The following SCFD1 variants were observed in gnomAD, a reference collection of about 807,000 sequenced individuals.
The protein encoded by SCFD1 is sec1 family domain containing 1, also known as sec1 family domain-containing protein 1.
Under a neutral mutation model 103.2 loss-of-function variants are expected in SCFD1, and 37 were observed. That is an observed-to-expected ratio of 0.36 (90% CI 0.28 to 0.47). The LOEUF (loss-of-function observed/expected upper bound fraction) is 0.47. SCFD1 is among the 20% of genes least tolerant of loss of function. The pLI is 1.00. For missense variants in SCFD1, 639 were observed against 761.2 expected, an observed-to-expected ratio of 0.84 and a Z score of 1.89; for synonymous variants, 264 against 245.0, an observed-to-expected ratio of 1.08 and a Z score of -0.73.
At chr14:30,652,085 T>G (rs1362446075) in intron 9 of SCFD1, among the ~76,000 whole-genome samples, 1 of 152,178 alleles carries the variant, frequency 6.6e-6, no homozygotes, top group Admixed American at 6.5e-5. Flanking sequence ...TCATAGTAGA[T>G]CGCAAGGGTG....
rs777800670 is a variant in SCFD1 at position 30,734,869 on chromosome 14, C to T, written c.1905+11C>T. 10 of 1,597,012 alleles carry T rather than the reference C, an allele frequency of 6.3e-6. 1 individual carries two copies. The South Asian group carries it at 6.6e-5, about 11-fold the overall frequency. On this transcript the variant is annotated intron_variant, in intron 24 of 24. Coordinates refer to ENST00000458591, the MANE Select transcript of SCFD1 (RefSeq NM_016106.4). ...CAGTTCATAAAACAGGTAAAGTATACATTTGTTGTTTGTTTCTGTTAACAT... is the reference window on the plus strand; with the variant it reads ...CAGTTCATAAAACAGGTAAAGTATATATTTGTTGTTTGTTTCTGTTAACAT...
chr14:30,623,378 A>C (rs984988121), intron 1 of SCFD1, among the ~76,000 whole-genome samples: 1 of 152,228 alleles, frequency 6.6e-6, no homozygotes, highest in African/African-American at 2.4e-5. Context: ...TTGGCATTTA[A>C]AGAAAAAGTG....
At chr14:30,654,215 G>T (rs2139119550) in intron 10 of SCFD1, among the ~76,000 whole-genome samples, 1 of 152,296 alleles carries the variant, frequency 6.6e-6, no homozygotes, top group East Asian at 1.9e-4. Context: ...ATGTAATCAG[G>T]CCAGAATAGT....
At position 30,622,393 on chromosome 14, in the gene SCFD1, C is replaced by T; in HGVS notation, c.55C>T (p.Gln19Ter). 6.4e-7 allele frequency: 1 copy of T among 1,553,232 alleles called. No individual in the cohort carries two copies. The highest frequency in any genetic ancestry group is 8.7e-7 in the Non-Finnish European group (1 of 1,147,848). ...AAAAASIRER[Q>*]TVALKRMLNF... The stretch of plus-strand genomic sequence containing the variant: ...AGCAGCAGCCAGTATTCGGGAAAGG[C>T]AGACAGGTACTGACTTATTCTCTTC... Residue 19 changes from glutamine (Q) to a stop codon, truncating the protein, a stop_gained, in exon 1 of 25, where the codon CAG (glutamine) becomes TAG (stop). Coordinates refer to ENST00000458591, the MANE Select transcript of SCFD1 (RefSeq NM_016106.4). LOFTEE classifies it high-confidence loss of function.
At chr14:30,728,530 A>G (rs185065536) in intron 23 of SCFD1, among the ~76,000 whole-genome samples, 172 of 152,360 alleles carry the variant, frequency 1.1e-3, no homozygotes, top group African/African-American at 4.0e-3. Context: ...GTGGAACCAT[A>G]GATAATGGCC....
rs982852808 is a variant in SCFD1 at position 30,703,072 on chromosome 14, T to C, written c.1490+697T>C. Among the ~76,000 whole-genome samples, 10 of 151,324 alleles carry C rather than the reference T, an allele frequency of 6.6e-5. No individual in the cohort carries two copies. In the South Asian group the frequency reaches 8.4e-4, roughly 13 times the overall value. ...TATTGCAAAGTAAAAAAAAAAAAAATTATAACACTCTTCATTGATTTGTTT... is the reference window on the plus strand; with the variant it reads ...TATTGCAAAGTAAAAAAAAAAAAAACTATAACACTCTTCATTGATTTGTTT... On this transcript the variant is annotated intron_variant, in intron 17 of 24. Transcript: ENST00000458591.
intron 10 of SCFD1, among the ~76,000 whole-genome samples, chr14:30,654,161 A>G (rs1886668097): frequency 6.6e-6 from 1 of 152,232 alleles, no homozygotes; most frequent in South Asian, 2.1e-4. Flanking sequence ...TTCAAAGACA[A>G]TGGAAAGAAA....
intron 19 of SCFD1, among the ~76,000 whole-genome samples, chr14:30,710,387 G>A (rs933716358): frequency 6.7e-6 from 1 of 150,368 alleles, no homozygotes; most frequent in African/African-American, 2.5e-5. Context: ...TATTGACAGG[G>A]GGTAGGAATG....
intron 10 of SCFD1, among the ~76,000 whole-genome samples, chr14:30,659,982 AATACTTCAGCATGT>A (rs142597670): frequency 0.017 from 2,528 of 152,296 alleles, 91 homozygotes; most frequent in African/African-American, 0.057. Context: ...TCTAAGCATG[AATACTTCAGCATGT>A]ATCTATTTTT....
chr14:30,643,270 G>A (rs1426415468), intron 6 of SCFD1, 46 bp from the exon 7 acceptor site: 2 of 1,092,860 alleles, frequency 1.8e-6, no homozygotes, highest in East Asian at 2.4e-5. Context: ...GAAAGATGAG[G>A]CATAAGTTTG....
chr14:30,648,810 C>A (rs1263632824), intron 7 of SCFD1, among the ~76,000 whole-genome samples: 2 of 151,936 alleles, frequency 1.3e-5, no homozygotes, highest in African/African-American at 4.8e-5. Context: ...TTTGTAGAGA[C>A]AGAGTTTTGC....
intron 24 of SCFD1, among the ~76,000 whole-genome samples, 196 bp from the exon 25 acceptor site, chr14:30,735,390 A>G (rs1236483224): frequency 1.4e-4 from 21 of 152,192 alleles, no homozygotes; most frequent in Non-Finnish European, 1.5e-5. Flanking sequence ...AATAGCTAGG[A>G]TTACAGGCAT....
rs376396970 is a variant in SCFD1 at position 30,650,701 on chromosome 14, T to A, written c.755+51T>A. 6.7e-5 allele frequency: 76 copies of A among 1,131,980 alleles called. 1 individual carries two copies. In the African/African-American group the frequency reaches 1.1e-3, roughly 17 times the overall value. The allele number at this position is 1,131,980 out of a possible 1,614,324, so 70.1% of individuals were successfully genotyped here. ...TAAGACTTTAAAATATTTGTAGAGT[T>A]TTTTTGTTACTTTTCTTGGCTGATA... On this transcript the variant is annotated intron_variant, in intron 9 of 24. Coordinates refer to ENST00000458591, the MANE Select transcript of SCFD1 (RefSeq NM_016106.4).
intron 10 of SCFD1, among the ~76,000 whole-genome samples, chr14:30,658,911 G>C (rs57057168): frequency 0.039 from 5,932 of 152,192 alleles, 147 homozygotes; most frequent in South Asian, 0.067. Context: ...TTGCCTAAAA[G>C]TCAAAAGTGT....
At chr14:30,724,726 T>A (rs1270259682) in intron 23 of SCFD1, among the ~76,000 whole-genome samples, 1 of 152,224 alleles carries the variant, frequency 6.6e-6, no homozygotes, top group East Asian at 1.9e-4. Context: ...TTTGTTGTAG[T>A]TACTTTTGGT....
chr14:30,694,646 A>G, intron 14 of SCFD1, 127 bp from the exon 15 acceptor site: 1 of 1,308,710 alleles, frequency 7.6e-7, no homozygotes, highest in Non-Finnish European at 9.9e-7. Context: ...TCTGAACTGT[A>G]CTTTTGACCT....
chr14:30,733,178 T>G (rs1893602891), intron 23 of SCFD1, among the ~76,000 whole-genome samples: 1 of 151,870 alleles, frequency 6.6e-6, no homozygotes, highest in African/African-American at 2.4e-5. Flanking sequence ...CCTGGCTAAT[T>G]TTTGTATTTT....
intron 21 of SCFD1, chr14:30,721,595 C>G (rs1191557455): frequency 1.2e-5 from 4 of 346,986 alleles, no homozygotes; most frequent in East Asian, 6.0e-5. Flanking sequence ...GACTTACGCT[C>G]CTCCTCGTGG....
chr14:30,710,358 T>C (rs1371656309), intron 19 of SCFD1, among the ~76,000 whole-genome samples: 1 of 138,596 alleles, frequency 7.2e-6, no homozygotes, highest in African/African-American at 2.8e-5. Flanking sequence ...AAAAAAAAGT[T>C]CAGAATTAGA....
Sources: gnomAD v4.1 joint callset for allele counts (sites outside exome capture counted in the v4.1 genomes callset) on GRCh38, gnomAD v4.1.1 for gene constraint, MANE v1.5 for transcripts, NCBI Gene and HGNC (gene_info 2026-07-23, HGNC 2026-07-21) for gene names.